The following LNP1 variants were observed in gnomAD, a reference collection of about 807,000 sequenced individuals.
LNP1 encodes the protein leukemia NUP98 fusion partner 1.
Under a neutral mutation model 14.5 loss-of-function variants are expected in LNP1, and 12 were observed. The observed-to-expected ratio is 0.83, with a 90% CI of 0.53 to 1.34. LNP1 has a LOEUF of 1.34. Among genes scored for constraint, LNP1 ranks in the 40% most tolerant of loss-of-function variants. The pLI, the probability that LNP1 is intolerant of heterozygous loss-of-function variation, is 0.00. For synonymous variants in LNP1, 75 were observed against 71.4 expected, an observed-to-expected ratio of 1.05 and a Z score of -0.26; for missense variants, 198 against 210.9, an observed-to-expected ratio of 0.94 and a Z score of 0.38.
chr3:100,441,182 G>A (rs886234329), intron 2 of LNP1, among the ~76,000 whole-genome samples: 3 of 152,230 alleles, frequency 2.0e-5, no homozygotes, highest in Non-Finnish European at 4.4e-5. Context: ...GGGAAAGCAG[G>A]AAGGTGCGGT....
intron 2 of LNP1, among the ~76,000 whole-genome samples, chr3:100,434,125 C>T (rs1038151820): frequency 1.3e-5 from 2 of 152,160 alleles, no homozygotes; most frequent in African/African-American, 4.8e-5. Flanking sequence ...GTGTTTTCAT[C>T]ATGAAGTATT....
intron 2 of LNP1, among the ~76,000 whole-genome samples, chr3:100,442,824 G>A (rs1481871900): frequency 1.3e-5 from 2 of 152,002 alleles, no homozygotes; most frequent in East Asian, 3.8e-4. Context: ...ATGAGTCTCT[G>A]GTCTCAGGTT....
At chr3:100,415,351 A>C (rs1707072492) in intron 1 of LNP1, among the ~76,000 whole-genome samples, 1 of 152,216 alleles carries the variant, frequency 6.6e-6, no homozygotes, top group Non-Finnish European at 1.5e-5. Flanking sequence ...TACTTGTAAA[A>C]GAAGTGCAAA....
At chr3:100,442,466 A>G (rs1026977281) in intron 2 of LNP1, among the ~76,000 whole-genome samples, 1 of 152,200 alleles carries the variant, frequency 6.6e-6, no homozygotes, top group Non-Finnish European at 1.5e-5. Flanking sequence ...ATCAATCAAC[A>G]TTGCAATATG....
At chr3:100,416,680 T>A (rs2148900427) in intron 1 of LNP1, among the ~76,000 whole-genome samples, 1 of 150,150 alleles carries the variant, frequency 6.7e-6, no homozygotes, top group Non-Finnish European at 1.5e-5. Flanking sequence ...TTAAAAAAAA[T>A]ATTTTGGTTA....
intron 1 of LNP1, among the ~76,000 whole-genome samples, chr3:100,403,232 C>G (rs1706930238): frequency 1.3e-5 from 2 of 152,150 alleles, no homozygotes; most frequent in African/African-American, 4.8e-5. Flanking sequence ...ATGTTTGTTA[C>G]AAAGCAATAG....
intron 2 of LNP1, among the ~76,000 whole-genome samples, chr3:100,431,992 T>TTATATATA (rs66513332): frequency 2.9e-5 from 1 of 34,676 alleles, no homozygotes; most frequent in Non-Finnish European, 7.5e-5. Context: ...GAGACCTTGT[T>TTATATATA]TATATATATA....
intron 2 of LNP1, among the ~76,000 whole-genome samples, chr3:100,435,555 A>G (rs74588312): frequency 0.038 from 5,735 of 152,290 alleles, 393 homozygotes; most frequent in East Asian, 0.31. Flanking sequence ...TTTAGAAAAG[A>G]AGAGGGGACT....
intron 2 of LNP1, among the ~76,000 whole-genome samples, chr3:100,431,920 A>C (rs1375928574): frequency 4.1e-5 from 6 of 145,422 alleles, no homozygotes; most frequent in African/African-American, 1.5e-4. Context: ...ACTTGAGCCC[A>C]AGAGGTCGAG....
chr3:100,435,664 G>T (rs971035840), intron 2 of LNP1, among the ~76,000 whole-genome samples: 5 of 152,130 alleles, frequency 3.3e-5, no homozygotes, highest in African/African-American at 1.2e-4. Flanking sequence ...AAAGGAGGAG[G>T]GGTAGGGGGT....
chr3:100,428,408 C>A (rs576773704), intron 1 of LNP1, among the ~76,000 whole-genome samples: 2 of 151,404 alleles, frequency 1.3e-5, no homozygotes, highest in South Asian at 4.2e-4. Flanking sequence ...GGTGGGTGCC[C>A]GTAATCCCAG....
intron 2 of LNP1, among the ~76,000 whole-genome samples, chr3:100,433,835 AT>A (rs1707266078): frequency 6.6e-6 from 1 of 151,924 alleles, no homozygotes. Flanking sequence ...AGCTTTTTTC[AT>A]ATGTTTTTTT....
intron 2 of LNP1, among the ~76,000 whole-genome samples, chr3:100,446,573 T>C (rs1001746696): frequency 6.6e-6 from 1 of 151,986 alleles, no homozygotes; most frequent in African/African-American, 2.4e-5. Context: ...CCAAAAGCAA[T>C]GGCAACAAAA....
At chr3:100,434,785 T>C (rs9653958) in intron 2 of LNP1, among the ~76,000 whole-genome samples, 424 of 151,784 alleles carry the variant, frequency 2.8e-3, no homozygotes, top group African/African-American at 9.5e-3. Flanking sequence ...CACCTCGGCC[T>C]CCCAAAGTGC....
At chr3:100,431,378 A>G (rs1026076412) in intron 2 of LNP1, among the ~76,000 whole-genome samples, 1 of 152,228 alleles carries the variant, frequency 6.6e-6, no homozygotes, top group African/African-American at 2.4e-5. Flanking sequence ...CTGTGTCCTT[A>G]TGACATCTTT....
At chr3:100,435,246 A>G (rs572011987) in intron 2 of LNP1, among the ~76,000 whole-genome samples, 1 of 152,342 alleles carries the variant, frequency 6.6e-6, no homozygotes, top group South Asian at 2.1e-4. Context: ...TCTAGGTGCT[A>G]AGGTGGAGGA....
intron 1 of LNP1, among the ~76,000 whole-genome samples, chr3:100,426,709 A>G (rs1707196342): frequency 6.6e-6 from 1 of 152,198 alleles, no homozygotes; most frequent in African/African-American, 2.4e-5. Flanking sequence ...AGGCTCCAAC[A>G]GGCAAAAATT....
intron 2 of LNP1, among the ~76,000 whole-genome samples, chr3:100,441,417 T>C (rs1707342907): frequency 6.6e-6 from 1 of 152,178 alleles, no homozygotes. Context: ...AAAGTTTGGC[T>C]TGTCTAAACT....
At chr3:100,407,454 C>A (rs2148898272) in intron 1 of LNP1, among the ~76,000 whole-genome samples, 1 of 152,230 alleles carries the variant, frequency 6.6e-6, no homozygotes, top group Non-Finnish European at 1.5e-5. Context: ...GAGAAATCTG[C>A]TGCTAGGCAT....
Sources: allele counts gnomAD v4.1 joint callset (sites outside exome capture counted in the v4.1 genomes callset), GRCh38; gene constraint gnomAD v4.1.1; transcripts MANE v1.5; gene names NCBI Gene and HGNC (gene_info 2026-07-23, HGNC 2026-07-21).